CEP350: variants seen among roughly 807,000 people sequenced by gnomAD.
CEP350 encodes the protein centrosomal protein 350.
In CEP350, 126 loss-of-function variants were observed where a neutral mutation model predicts 331.8. The observed-to-expected ratio is 0.38, with a 90% CI of 0.33 to 0.44. The LOEUF (loss-of-function observed/expected upper bound fraction) is 0.44, where lower values mean the gene tolerates loss of function less well. CEP350 is among the 20% of genes least tolerant of loss of function. CEP350 has a pLI of 1.00. For synonymous variants in CEP350, 1,200 were observed against 1,259.5 expected, an observed-to-expected ratio of 0.95 and a Z score of 1.00; for missense variants, 3,406 against 3,634.6, an observed-to-expected ratio of 0.94 and a Z score of 1.62.
At chr1:179,973,726 TC>T (rs1446682809) in intron 1 of CEP350, among the ~76,000 whole-genome samples, 1 of 152,216 alleles carries the variant, frequency 6.6e-6, no homozygotes, top group African/African-American at 2.4e-5. Flanking sequence ...GTGTGTGTGT[TC>T]CTTGTAGTTT....
chr1:180,018,948 C>A (rs1289359692), intron 11 of CEP350, among the ~76,000 whole-genome samples: 1 of 151,086 alleles, frequency 6.6e-6, no homozygotes, highest in African/African-American at 2.4e-5. Flanking sequence ...CTCCACCTCT[C>A]GGGTTCAAGC....
intron 1 of CEP350, among the ~76,000 whole-genome samples, chr1:179,969,803 A>T (rs931511887): frequency 2.0e-5 from 3 of 152,254 alleles, no homozygotes; most frequent in East Asian, 3.9e-4. Context: ...AAATAAAAAA[A>T]ATATACACTG....
Position 180,020,961 on chromosome 1 carries a change from C to T in CEP350, c.3187C>T (p.His1063Tyr), listed in dbSNP as rs765423035. ...PWEELAKGSPHSVINIFTKSY... is the reference protein window; with the variant it reads ...PWEELAKGSPYSVINIFTKSY... ...GGAAGAATTGGCAAAGGGAAGTCCA[C>T]ATAGCGTCATTAATATTTTTACAAA... Residue 1063 changes from histidine to tyrosine, a missense_variant, in exon 12 of 38, where the codon CAT becomes TAT. This residue lies in a region of CEP350 where 1,857 missense variants were observed against 1,909.2 expected (regional missense o/e 0.97). Transcript: ENST00000367607. 2 of 1,581,622 alleles carry T rather than the reference C, an allele frequency of 1.3e-6. No individual in the cohort carries two copies. The highest frequency in any genetic ancestry group is 1.4e-5 in the African/African-American group (1 of 72,930).
At chr1:179,960,600 CTG>C (rs1028561164) in intron 1 of CEP350, among the ~76,000 whole-genome samples, 2 of 152,042 alleles carry the variant, frequency 1.3e-5, no homozygotes, top group Non-Finnish European at 2.9e-5. Context: ...TTTGATGACA[CTG>C]TGTCTTCCAA....
Position 180,012,013 on chromosome 1 carries a change from A to T in CEP350, c.1331A>T (p.Glu444Val). The part of the protein sequence containing the change: ...KKILGPAPRM[E>V]PKEQRTASSD... ...ATTCTGGGACCTGCTCCCAGAATGG[A>T]GCCAAAAGAGCAAAGAACAGCATCA... The change falls in exon 9 of 38, where the codon GAG becomes GTG. Residue 444 changes from glutamate (E) to valine (V), a missense_variant. Coordinates refer to ENST00000367607, the MANE Select transcript of CEP350 (RefSeq NM_014810.5). 1.3e-6 allele frequency: 2 copies of T among 1,584,544 alleles called. No homozygotes were observed.
intron 17 of CEP350, 148 bp from the exon 18 acceptor site, chr1:180,040,990 G>A: frequency 1.7e-6 from 1 of 594,660 alleles, no homozygotes; most frequent in Non-Finnish European, 2.9e-6. Context: ...GTAAGTGGCT[G>A]TTGACTATTA....
intron 4 of CEP350, among the ~76,000 whole-genome samples, chr1:179,991,057 A>G (rs1405230601): frequency 6.6e-6 from 1 of 152,016 alleles, no homozygotes; most frequent in African/African-American, 2.4e-5. Flanking sequence ...GCACTATTGC[A>G]TCACCCTTGA....
chr1:180,016,272 A>C (rs1329679031), intron 11 of CEP350, among the ~76,000 whole-genome samples: 1 of 152,152 alleles, frequency 6.6e-6, no homozygotes, highest in Non-Finnish European at 1.5e-5. Context: ...ATGATGGTGA[A>C]ATTTTAAAGT....
At chr1:180,062,875 A>G (rs1658311701) in intron 26 of CEP350, among the ~76,000 whole-genome samples, 1 of 152,240 alleles carries the variant, frequency 6.6e-6, no homozygotes, top group Non-Finnish European at 1.5e-5. Context: ...CATGAGTTAC[A>G]GAGGGGACAA....
At chr1:179,982,262 G>A (rs1281462978) in intron 1 of CEP350, among the ~76,000 whole-genome samples, 1 of 152,124 alleles carries the variant, frequency 6.6e-6, no homozygotes, top group Non-Finnish European at 1.5e-5. Context: ...TAGCACTATA[G>A]ATTCCTTTTG....
At chr1:180,025,074 G>A (rs910253631) in intron 14 of CEP350, among the ~76,000 whole-genome samples, 8 of 151,888 alleles carry the variant, frequency 5.3e-5, no homozygotes, top group African/African-American at 1.2e-4. Flanking sequence ...ACAGGCGCCC[G>A]CCACCGCACC....
At chr1:180,051,253 C>T (rs989459208) in intron 22 of CEP350, among the ~76,000 whole-genome samples, 11 of 152,208 alleles carry the variant, frequency 7.2e-5, no homozygotes, top group African/African-American at 2.4e-4. Context: ...TACAGTCCTC[C>T]GCTCTACCAG....
chr1:180,080,524 C>T lies in CEP350; in HGVS notation c.5987C>T (p.Pro1996Leu). ...GGTTTTCTGTTTGAACAGTCACTTC[C>T]CAAAAGCTGCACATCTGTGTCAAAG... Reference protein sequence around the residue: ...SSTSPSKHSLPKSCTSVSKQE... With the variant: ...SSTSPSKHSLLKSCTSVSKQE... The change falls in exon 30 of 38, where the codon CCC becomes CTC. Residue 1996 changes from proline to leucine, a missense_variant. Pro to Leu is a moderately conservative substitution (Grantham distance 98). Around this residue, in one of 5 missense-constraint regions of CEP350, gnomAD observed 1,415 missense variants for 1,512.3 expected, o/e 0.94. Transcript: ENST00000367607. 6.2e-7 allele frequency: 1 copy of T among 1,612,936 alleles called. No individual in the cohort carries two copies.
chr1:179,967,191 G>A (rs1184621793), intron 1 of CEP350, among the ~76,000 whole-genome samples: 1 of 152,114 alleles, frequency 6.6e-6, no homozygotes, highest in Non-Finnish European at 1.5e-5. Flanking sequence ...ATGTAAAGAA[G>A]ACCTTTGTAC....
rs761562578 is a variant in CEP350 at position 180,031,355 on chromosome 1, C to A, written c.3586C>A (p.Leu1196Ile). The change falls in exon 15 of 38, where the codon CTT (leucine) becomes ATT (isoleucine). Residue 1196 changes from leucine to isoleucine, a missense_variant. Around this residue, in one of 5 missense-constraint regions of CEP350, gnomAD observed 1,857 missense variants for 1,909.2 expected, o/e 0.97. Transcript: ENST00000367607. Reference protein sequence around the residue: ...DSFTGNVQNSLLDEEKAERGS... With the variant: ...DSFTGNVQNSILDEEKAERGS... ...ATTCACTGGAAATGTTCAGAACTCACTTCTTGATGAGGAAAAAGCAGAACG... is the reference window on the plus strand; with the variant it reads ...ATTCACTGGAAATGTTCAGAACTCAATTCTTGATGAGGAAAAAGCAGAACG... 1 of 1,607,298 alleles carries A rather than the reference C, an allele frequency of 6.2e-7. No individual in the cohort carries two copies. Among genetic ancestry groups the A allele is most frequent in the Non-Finnish European group, 8.5e-7 (1 of 1,175,482 alleles).
intron 8 of CEP350, among the ~76,000 whole-genome samples, chr1:180,010,628 ATC>A (rs1187268960): frequency 6.9e-6 from 1 of 145,178 alleles, no homozygotes; most frequent in African/African-American, 2.6e-5. Context: ...CTGAGACAGG[ATC>A]TCACTCAGTG....
chr1:180,029,583 C>T lies in CEP350; in HGVS notation c.3551-1737C>T, dbSNP rs9425480. Among the ~76,000 whole-genome samples the T allele has an allele frequency of 5.5e-3, 831 of 152,274 alleles. 4 individuals are homozygous for T. The highest frequency in any genetic ancestry group is 0.031 in the Middle Eastern group (9 of 294). Reference sequence around the variant, plus strand: ...CAACTTCAGAACTTTCTCAGTTTCCCGTACTGAAGCTCTGTATTCATTCAG... The same window carrying T: ...CAACTTCAGAACTTTCTCAGTTTCCTGTACTGAAGCTCTGTATTCATTCAG... On this transcript the variant is annotated intron_variant, in intron 14 of 37. Coordinates refer to ENST00000367607, the MANE Select transcript of CEP350 (RefSeq NM_014810.5).
intron 19 of CEP350, among the ~76,000 whole-genome samples, chr1:180,042,129 C>A (rs1325289924): frequency 1.2e-5 from 1 of 86,460 alleles, no homozygotes; most frequent in Non-Finnish European, 2.7e-5. Flanking sequence ...GGTGAGTTTT[C>A]TCTCACACAC....
chr1:180,080,049 ATCAGGCATC>A (rs1659466043), intron 29 of CEP350, among the ~76,000 whole-genome samples: 1 of 152,188 alleles, frequency 6.6e-6, no homozygotes, highest in African/African-American at 2.4e-5. Flanking sequence ...TAGGAATCAA[ATCAGGCATC>A]TCACTTCCAC....
Sources: allele counts gnomAD v4.1 joint callset (sites outside exome capture counted in the v4.1 genomes callset), GRCh38; gene constraint gnomAD v4.1.1; regional missense constraint gnomAD v4.1.1; transcripts MANE v1.5; gene names NCBI Gene and HGNC (gene_info 2026-07-23, HGNC 2026-07-21).